The following MSH3 variants were observed in gnomAD, a reference collection of about 807,000 sequenced individuals.
MSH3 encodes the protein DNA mismatch repair protein Msh3.
Under a neutral mutation model 123.3 loss-of-function variants are expected in MSH3, and 106 were observed. That is an observed-to-expected ratio of 0.86 (90% CI 0.73 to 1.01). MSH3 has a LOEUF of 1.01. Among genes scored for constraint, MSH3 ranks in the 50% least tolerant of loss-of-function variants. The pLI is 0.00. For synonymous variants in MSH3, 515 were observed against 481.4 expected, an observed-to-expected ratio of 1.07 and a Z score of -0.91; for missense variants, 1,459 against 1,347.6, an observed-to-expected ratio of 1.08 and a Z score of -1.29.
Position 80,695,806 on chromosome 5 carries a change from C to G in MSH3, c.1340+16713C>G, listed in dbSNP as rs1330579593. Among the ~76,000 whole-genome samples, 4 of 152,148 alleles carry G rather than the reference C, an allele frequency of 2.6e-5. No individual in the cohort carries two copies. In the East Asian group the frequency reaches 7.7e-4, roughly 29 times the overall value. On this transcript the variant is annotated intron_variant, in intron 8 of 23. Transcript: ENST00000265081. ...ATCTCTGTTATCTTGGTGTTGGCAT[C>G]TATCGATTGTCTTTTTTCATTCAGT...
rs963584392 is a variant in MSH3 at position 80,787,650 on chromosome 5, G to A, written c.2521G>A (p.Ala841Thr). ...VDCIFSLAKVAKQGDYCRPTV... is the reference protein window; with the variant it reads ...VDCIFSLAKVTKQGDYCRPTV... ...CTGCATTTTCTCCCTGGCCAAGGTC[G>A]CTAAGCAAGGAGATTACTGCAGGTA... The change falls in exon 18 of 24, where the codon GCT (alanine) becomes ACT (threonine). Residue 841 changes from alanine (A) to threonine (T), a missense_variant. By Grantham distance (58) the Ala-to-Thr change is moderately conservative. Coordinates refer to ENST00000265081, the MANE Select transcript of MSH3 (RefSeq NM_002439.5). 2 of 1,613,194 alleles carry A rather than the reference G, an allele frequency of 1.2e-6. No homozygotes were observed. Among genetic ancestry groups the A allele is most frequent in the Non-Finnish European group, 1.7e-6 (2 of 1,179,366 alleles).
intron 10 of MSH3, among the ~76,000 whole-genome samples, chr5:80,738,244 T>C (rs993586292): frequency 6.6e-6 from 1 of 152,214 alleles, no homozygotes; most frequent in African/African-American, 2.4e-5. Context: ...ACCCCCTGTA[T>C]ACCAGGTAGT....
rs1749751715 is a variant in MSH3, at chr5:80,672,756, CA to C, written c.928del (p.Thr310LeufsTer6). 2.5e-6 allele frequency: 4 copies of C among 1,613,884 alleles called. No homozygotes were observed. Among genetic ancestry groups the C allele is most frequent in the Non-Finnish European group, 3.4e-6 (4 of 1,179,820 alleles). The stretch of plus-strand genomic sequence containing the variant: ...TTTGTTGAAGGTGGGAGTTGTGAAG[CA>C]AACTGAAACTGCAGCATTAAAGGCC... ...AKGYKVGVVK[Q>X]TETAALKAIG... On this transcript the variant is annotated frameshift_variant, in exon 6 of 24. Transcript: ENST00000265081. LOFTEE classifies it high-confidence loss of function.
intron 19 of MSH3, among the ~76,000 whole-genome samples, chr5:80,806,523 A>G (rs1030843172): frequency 6.6e-6 from 1 of 152,120 alleles, no homozygotes; most frequent in African/African-American, 2.4e-5. Context: ...ATTATTTATC[A>G]TATATTAAGT....
At chr5:80,667,758 G>A (rs1749604074) in intron 3 of MSH3, among the ~76,000 whole-genome samples, 1 of 152,216 alleles carries the variant, frequency 6.6e-6, no homozygotes, top group African/African-American at 2.4e-5. Flanking sequence ...GAAGCTTGGA[G>A]ATTCCAGGAA....
At chr5:80,759,806 G>A (rs934022438) in intron 12 of MSH3, among the ~76,000 whole-genome samples, 1 of 152,104 alleles carries the variant, frequency 6.6e-6, no homozygotes. Context: ...GGAGAGTGGT[G>A]GATGGATTAC....
intron 13 of MSH3, among the ~76,000 whole-genome samples, chr5:80,762,845 T>G (rs530544178): frequency 1.0e-3 from 133 of 129,134 alleles, no homozygotes; most frequent in Middle Eastern, 8.2e-3. Flanking sequence ...TTTATGTTAT[T>G]TTATTTTATT....
Position 80,741,552 on chromosome 5 carries a change from A to G in MSH3, c.1653+4A>G, listed in dbSNP as rs373786812. On this transcript the variant is annotated splice_donor_region_variant and intron_variant, in intron 11 of 23. Coordinates refer to ENST00000265081, the MANE Select transcript of MSH3 (RefSeq NM_002439.5). The stretch of plus-strand genomic sequence containing the variant: ...TCTGGAAATCCTACAGAATCAGGTC[A>G]GGCAAATACAAGGGCTAGTTGATTA... 13 of 1,597,052 alleles carry G rather than the reference A, an allele frequency of 8.1e-6. No homozygotes were observed. The African/African-American group carries it at 1.7e-4, about 21-fold the overall frequency.
In MSH3 at chr5:80,666,367, T is replaced by G. The variant is rs1314250050; in HGVS notation, c.579+1004T>G. ...GAAAAATTCTCAAGCCAACAAAATT[T>G]TGCCTATAATTTTCAAGATTTCACA... is the stretch of plus-strand genomic sequence containing the variant. On this transcript the variant is annotated intron_variant, in intron 3 of 23. Transcript: ENST00000265081. Among the ~76,000 whole-genome samples the G allele has an allele frequency of 2.6e-5, 4 of 152,292 alleles. No homozygotes were observed. The East Asian group carries it at 7.7e-4, about 29-fold the overall frequency.
chr5:80,748,471 G>T (rs1743761705), intron 12 of MSH3, among the ~76,000 whole-genome samples: 1 of 152,016 alleles, frequency 6.6e-6, no homozygotes, highest in Non-Finnish European at 1.5e-5. Context: ...TTTATAAATA[G>T]ATTATTTTTT....
At chr5:80,833,784 A>AT (rs35233078) in intron 20 of MSH3, among the ~76,000 whole-genome samples, 21,548 of 152,198 alleles carry the variant, frequency 0.14, 1,573 homozygotes, top group East Asian at 0.24. Context: ...TCTAAAACTG[A>AT]TTTTAGGCGT....
At chr5:80,846,413 C>G (rs1163094749) in intron 20 of MSH3, among the ~76,000 whole-genome samples, 3 of 151,838 alleles carry the variant, frequency 2.0e-5, no homozygotes, top group Non-Finnish European at 4.4e-5. Flanking sequence ...GAATGCCATG[C>G]TGAGAGAACC....
chr5:80,863,941 T>C (rs377311543), intron 21 of MSH3, among the ~76,000 whole-genome samples: 2 of 152,262 alleles, frequency 1.3e-5, no homozygotes, highest in South Asian at 2.1e-4. Context: ...GGCTCTTAGT[T>C]GATTATCTCG....
intron 8 of MSH3, among the ~76,000 whole-genome samples, chr5:80,717,053 G>T (rs6151707): frequency 9.9e-5 from 15 of 152,012 alleles, no homozygotes; most frequent in Admixed American, 2.6e-4. Flanking sequence ...TTTTGGGGGG[G>T]GCTGAATAGT....
intron 3 of MSH3, among the ~76,000 whole-genome samples, chr5:80,668,931 G>A (rs1037558681): frequency 6.6e-6 from 1 of 152,212 alleles, no homozygotes; most frequent in Admixed American, 6.5e-5. Context: ...GGCTCCTGTC[G>A]GTTCTGTGGA....
intron 8 of MSH3, among the ~76,000 whole-genome samples, chr5:80,703,125 C>T (rs1198101767): frequency 6.6e-6 from 1 of 152,138 alleles, no homozygotes; most frequent in South Asian, 2.1e-4. Context: ...GAGGTGATTA[C>T]AATTATTATT....
chr5:80,838,655 G>GA (rs1166586137), intron 20 of MSH3, among the ~76,000 whole-genome samples: 3 of 152,042 alleles, frequency 2.0e-5, no homozygotes, highest in Non-Finnish European at 4.4e-5. Context: ...ATACATTCAT[G>GA]AAAAATCACT....
chr5:80,723,627 A>T (rs1490864675), intron 8 of MSH3, among the ~76,000 whole-genome samples: 1 of 152,252 alleles, frequency 6.6e-6, no homozygotes, highest in Non-Finnish European at 1.5e-5. Context: ...AACATTGAGG[A>T]TAAAATCAAT....
chr5:80,707,643 G>A (rs890819379), intron 8 of MSH3, among the ~76,000 whole-genome samples: 1 of 152,178 alleles, frequency 6.6e-6, no homozygotes, highest in Non-Finnish European at 1.5e-5. Context: ...GAGGTGAAAG[G>A]ATGGCTTGAG....
Sources: allele counts gnomAD v4.1 joint callset (sites outside exome capture counted in the v4.1 genomes callset), GRCh38; gene constraint gnomAD v4.1.1; transcripts MANE v1.5; gene names NCBI Gene and HGNC (gene_info 2026-07-23, HGNC 2026-07-21).